The following REPS2 variants were observed in gnomAD, a reference collection of about 807,000 sequenced individuals.
REPS2 encodes the protein ralBP1-associated Eps domain-containing protein 2.
Under a neutral mutation model 53.6 loss-of-function variants are expected in REPS2, and 23 were observed. That is an observed-to-expected ratio of 0.43 (90% CI 0.31 to 0.61). The LOEUF is 0.61. Ranked by LOEUF, REPS2 falls within the 20% of genes least tolerant of loss-of-function variation. The pLI is 0.11. For synonymous variants in REPS2, 238 were observed against 218.6 expected, an observed-to-expected ratio of 1.09 and a Z score of -0.78; for missense variants, 446 against 534.9, an observed-to-expected ratio of 0.83 and a Z score of 1.64.
intron 1 of REPS2, among the ~76,000 whole-genome samples, chrX:16,991,008 G>A (rs1020464586): frequency 9.0e-6 from 1 of 110,739 alleles, no homozygotes; most frequent in Middle Eastern, 4.7e-3. Flanking sequence ...GTCCATGTGA[G>A]TGAGTCCCTG....
At chrX:17,093,166 C>CCATATATATATATATATATATATATA (rs2062641320) in intron 13 of REPS2, among the ~76,000 whole-genome samples, 2 of 39,106 alleles carry the variant, frequency 5.1e-5, no homozygotes, top group African/African-American at 2.4e-4. Context: ...TGAGTTAATG[C>CCATATATATATATATATATATATATA]TATATATATA....
intron 13 of REPS2, among the ~76,000 whole-genome samples, chrX:17,101,313 TGG>T (rs2062797925): frequency 9.1e-6 from 1 of 110,488 alleles, no homozygotes; most frequent in African/African-American, 3.3e-5. Flanking sequence ...CTGCCCGCCT[TGG>T]CCTCCCAAAG....
intron 2 of REPS2, among the ~76,000 whole-genome samples, chrX:17,014,579 A>G (rs986622300): frequency 6.3e-5 from 7 of 110,750 alleles, no homozygotes; most frequent in Non-Finnish European, 1.3e-4. Context: ...GTTTTCCCCC[A>G]AAGTAACTTC....
chrX:16,966,493 A>G (rs1258735114), intron 1 of REPS2, among the ~76,000 whole-genome samples: 2 of 112,453 alleles, frequency 1.8e-5, no homozygotes, highest in African/African-American at 3.2e-5. Flanking sequence ...TTAATGTTTT[A>G]TATACGCCTT....
At chrX:16,965,716 G>T (rs2060753693) in intron 1 of REPS2, among the ~76,000 whole-genome samples, 1 of 112,829 alleles carries the variant, frequency 8.9e-6, no homozygotes, top group South Asian at 3.6e-4. Context: ...ATGGCGGCTG[G>T]GCAGAGGCTG....
chrX:17,108,505 C>T (rs16980538), intron 14 of REPS2, among the ~76,000 whole-genome samples: 2,827 of 111,420 alleles, frequency 0.025, 91 homozygotes, highest in African/African-American at 0.088. Context: ...AGTTCTCTGC[C>T]AAGGGACTGT....
At chrX:17,139,016 G>A in intron 17 of REPS2, 55 bp downstream of exon 17, 1 of 823,536 alleles carries the variant, frequency 1.2e-6, no homozygotes, top group Non-Finnish European at 1.7e-6. Context: ...CTTTTAAAAA[G>A]CTTTTTTTTA....
At chrX:17,032,132 G>A (rs1349728882) in intron 5 of REPS2, among the ~76,000 whole-genome samples, 1 of 111,901 alleles carries the variant, frequency 8.9e-6, no homozygotes. Context: ...GAGGTTTTGA[G>A]ATAGTCCAGA....
At chrX:17,027,659 G>GTTTTTTTTTTTTTTTTTTTTTTTTT (rs761592588) in intron 4 of REPS2, among the ~76,000 whole-genome samples, 2 of 67,270 alleles carry the variant, frequency 3.0e-5, no homozygotes, top group Non-Finnish European at 2.6e-5. Context: ...AAATCTTTAG[G>GTTTTTTTTTTTTTTTTTTTTTTTTT]TTTTTTTTTT....
rs1316172887 is a variant in REPS2, at chrX:17,101,271, C to T, written c.1517-2447C>T. On this transcript the variant is annotated intron_variant, in intron 13 of 17. Coordinates refer to ENST00000357277, the MANE Select transcript of REPS2 (RefSeq NM_004726.3). ...TAGAGATGGGGTTTCACTGTGTTAG[C>T]CAGGATGGTCTCGATCTCCTGACCT... Among the ~76,000 whole-genome samples, 8 of 109,271 alleles carry T rather than the reference C, an allele frequency of 7.3e-5. No homozygotes were observed. The Admixed American group carries it at 7.9e-4, about 11-fold the overall frequency. 94.9% of individuals were successfully genotyped at this position (109,271 alleles called of 115,157 possible). A position where few individuals can be genotyped will look rare whatever the true frequency, so the allele number is the denominator to read the frequency against.
At chrX:17,046,760 T>C (rs1466206407) in intron 5 of REPS2, among the ~76,000 whole-genome samples, 1 of 112,124 alleles carries the variant, frequency 8.9e-6, no homozygotes, top group Admixed American at 9.5e-5. Context: ...ATAACAGCTG[T>C]TCTCACCACC....
chrX:17,075,524 G>C (rs2062368419), intron 12 of REPS2, among the ~76,000 whole-genome samples: 2 of 111,973 alleles, frequency 1.8e-5, no homozygotes, highest in Admixed American at 1.9e-4. Flanking sequence ...CCTCCTTTTT[G>C]AAATAATAAA....
Position 16,977,763 on chromosome X carries a change from T to C in REPS2, c.274-28458T>C, listed in dbSNP as rs192533929. Among the ~76,000 whole-genome samples the C allele has an allele frequency of 3.7e-5, 4 of 109,413 alleles. No individual in the cohort carries two copies. In the Admixed American group the frequency reaches 3.9e-4, roughly 11 times the overall value. On this transcript the variant is annotated intron_variant, in intron 1 of 17. Coordinates refer to ENST00000357277, the MANE Select transcript of REPS2 (RefSeq NM_004726.3). ...ACAAAAGATGTGATGATTGCCTCTT[T>C]CGGTTATATCCTGCTGCCTAAGAGC... is the stretch of plus-strand genomic sequence containing the variant.
chrX:16,955,469 G>C (rs1288810496), intron 1 of REPS2, among the ~76,000 whole-genome samples: 1 of 111,834 alleles, frequency 8.9e-6, no homozygotes, highest in Non-Finnish European at 1.9e-5. Context: ...TGGCTCAGTT[G>C]GGTCCTCAGC....
chrX:17,105,868 C>T lies in REPS2; in HGVS notation c.1578+2089C>T, dbSNP rs951829978. 2.7e-5 allele frequency among the ~76,000 whole-genome samples: 3 copies of T among 111,847 alleles called. No individual in the cohort carries two copies. The East Asian group carries it at 8.4e-4, about 31-fold the overall frequency. On this transcript the variant is annotated intron_variant, in intron 14 of 17. Coordinates refer to ENST00000357277, the MANE Select transcript of REPS2 (RefSeq NM_004726.3). ...GTCAAGTTGGTATTGACCCTATGAG[C>T]GTCTTACTAACCACTTTGTATGGGA...
rs774578509 is a variant in REPS2 at position 17,029,602 on chromosome X, G to T, written c.750G>T (p.Arg250=). Residue 250 remains arginine (R), a synonymous_variant, in exon 5 of 18, where the codon CGG becomes CGT. Coordinates refer to ENST00000357277, the MANE Select transcript of REPS2 (RefSeq NM_004726.3). ...SSGGPGTKPL[R]HQASLIRSFS... ...GGGGCCCAGGAACCAAGCCCCTTCG[G>T]CATCAGGCTTCCCTTATCCGGGTAA... The T allele has an allele frequency of 1.0e-5, 12 of 1,205,302 alleles. No individual in the cohort carries two copies. The highest frequency in any genetic ancestry group is 1.2e-5 in the Non-Finnish European group (11 of 890,671).
intron 5 of REPS2, among the ~76,000 whole-genome samples, chrX:17,043,443 C>T (rs1006574646): frequency 1.2e-4 from 13 of 110,730 alleles, no homozygotes; most frequent in Admixed American, 9.6e-4. Context: ...ACAGGCCTTG[C>T]CCTGGTTGTG....
chrX:17,155,969 C>T (rs1372276059), downstream of REPS2, among the ~76,000 whole-genome samples: 1 of 111,736 alleles, frequency 8.9e-6, no homozygotes, highest in Non-Finnish European at 1.9e-5. Flanking sequence ...GGAAATGAAG[C>T]TGAAATATAC....
intron 14 of REPS2, among the ~76,000 whole-genome samples, chrX:17,117,394 A>G (rs754145739): frequency 9.0e-6 from 1 of 111,123 alleles, no homozygotes; most frequent in African/African-American, 3.3e-5. Flanking sequence ...ATTTAGCATT[A>G]GGTATATCTC....
Sources: allele counts gnomAD v4.1 joint callset (sites outside exome capture counted in the v4.1 genomes callset), GRCh38; gene constraint gnomAD v4.1.1; transcripts MANE v1.5; gene names NCBI Gene and HGNC (gene_info 2026-07-23, HGNC 2026-07-21).